Variants in FERMT1 observed in about 807,000 individuals in gnomAD.
The protein encoded by FERMT1 is fermitin family homolog 1.
Under a neutral mutation model 85.3 loss-of-function variants are expected in FERMT1, and 60 were observed. The ratio of observed to expected loss-of-function variants is 0.70; its 90% CI spans 0.57 to 0.87. FERMT1 has a LOEUF of 0.87. Ranked by LOEUF, FERMT1 falls within the 40% of genes least tolerant of loss-of-function variation. FERMT1 has a pLI of 0.00. For missense variants in FERMT1, 701 were observed against 818.9 expected (o/e 0.86, Z 1.76); for synonymous variants, 275 against 301.1 (o/e 0.91, Z 0.90).
At position 6,085,203 on chromosome 20, in the gene FERMT1, C is replaced by T. The variant is rs764254585; in HGVS notation, c.1456G>A (p.Val486Ile). ...TMADSSYQPE[V>I]LNILSFLRMK... is the part of the protein sequence containing the mutation. ...CTCAGAAATGAAAGGATGTTGAGGACCTCTGGCTGGTAGGAGCTGTCTGCC... is the reference window on the plus strand; with the variant it reads ...CTCAGAAATGAAAGGATGTTGAGGATCTCTGGCTGGTAGGAGCTGTCTGCC... Residue 486 changes from valine to isoleucine, a missense_variant, in exon 12 of 15, where the codon GTC becomes ATC. Transcript: ENST00000217289. 5.0e-6 allele frequency: 8 copies of T among 1,614,112 alleles called. No individual in the cohort carries two copies. Among genetic ancestry groups the T allele is most frequent in the East Asian group, 4.5e-5 (2 of 44,868 alleles).
intron 10 of FERMT1, among the ~76,000 whole-genome samples, 185 bp downstream of exon 10, chr20:6,088,780 C>T (rs375400791): frequency 1.3e-5 from 2 of 152,038 alleles, no homozygotes; most frequent in African/African-American, 2.4e-5. Flanking sequence ...TGTGCCACCA[C>T]GCCTGGCTAA....
intron 3 of FERMT1, 38 bp downstream of exon 3, chr20:6,115,773 G>A (rs1483597573): frequency 5.5e-6 from 8 of 1,455,694 alleles, no homozygotes; most frequent in Admixed American, 3.3e-5. Context: ...AGCTTTGCAA[G>A]AGTCTACAGG....
At chr20:6,087,557 C>A in intron 11 of FERMT1, 1 of 524,658 alleles carries the variant, frequency 1.9e-6, no homozygotes, top group Non-Finnish European at 3.6e-6. Context: ...GTGATCTGCC[C>A]ACCTTGGCCT....
At chr20:6,117,215 A>G (rs1429426379) in intron 2 of FERMT1, among the ~76,000 whole-genome samples, 1 of 152,056 alleles carries the variant, frequency 6.6e-6, no homozygotes, top group Non-Finnish European at 1.5e-5. Flanking sequence ...AAGAGTTACC[A>G]GTATCTTTGT....
chr20:6,119,190 C>T (rs553303966), intron 2 of FERMT1, among the ~76,000 whole-genome samples: 5 of 152,148 alleles, frequency 3.3e-5, no homozygotes, highest in East Asian at 1.9e-4. Flanking sequence ...TCAGGTGATC[C>T]GCACACCTTG....
At chr20:6,106,514 C>T (rs1033458823) in intron 6 of FERMT1, among the ~76,000 whole-genome samples, 5 of 152,156 alleles carry the variant, frequency 3.3e-5, no homozygotes, top group South Asian at 2.1e-4. Context: ...GTGATGGGAG[C>T]ATGCAACACA....
chr20:6,105,397 C>T (rs1026863535), intron 6 of FERMT1, among the ~76,000 whole-genome samples: 3 of 152,166 alleles, frequency 2.0e-5, no homozygotes, highest in East Asian at 1.9e-4. Flanking sequence ...GCATCGACTT[C>T]GAATGGAAAT....
At chr20:6,110,595 A>G in intron 4 of FERMT1, 84 bp from the exon 5 acceptor site, 1 of 1,124,990 alleles carries the variant, frequency 8.9e-7, no homozygotes, top group Non-Finnish European at 1.4e-6. Flanking sequence ...ACTTACACTA[A>G]AATGAGTTTT....
intron 6 of FERMT1, among the ~76,000 whole-genome samples, chr20:6,100,982 A>G (rs111965633): frequency 3.0e-4 from 46 of 152,340 alleles, no homozygotes; most frequent in African/African-American, 1.1e-3. Flanking sequence ...AAATATATAA[A>G]CAGGTAGTTC....
At chr20:6,107,199 C>CAAAAAAAAA (rs59180891) in intron 6 of FERMT1, among the ~76,000 whole-genome samples, 1 of 92,646 alleles carries the variant, frequency 1.1e-5, no homozygotes, top group Non-Finnish European at 2.1e-5. Flanking sequence ...CTGTCTCAAC[C>CAAAAAAAAA]AAAAAAAAAA....
At chr20:6,094,797 C>A in intron 9 of FERMT1, 142 bp downstream of exon 9, 1 of 684,040 alleles carries the variant, frequency 1.5e-6, no homozygotes, top group Middle Eastern at 3.7e-4. Flanking sequence ...ACGACTCAAC[C>A]CATTGTTTGT....
At chr20:6,109,405 C>T (rs151040294) in intron 5 of FERMT1, among the ~76,000 whole-genome samples, 4 of 152,238 alleles carry the variant, frequency 2.6e-5, no homozygotes, top group African/African-American at 4.8e-5. Context: ...CCAGGCGGCA[C>T]GGGGCCATGG....
Position 6,112,572 on chromosome 20 carries a change from A to G in FERMT1, c.437T>C (p.Phe146Ser), listed in dbSNP as rs1304468847. Residue 146 changes from phenylalanine to serine, a missense_variant, in exon 4 of 15, where the codon TTT becomes TCT. Physicochemically the swap from Phe to Ser is radical, Grantham distance 155. Transcript: ENST00000217289. ...TTTGTCTTTTTTCTTCTTCTTCTTA[A>G]AATAGTCACCAGACGGCTTTAACAA... is the stretch of plus-strand genomic sequence containing the variant. ...LSLLKPSGDY[F>S]KKKKKKDKNN... 3 of 1,606,390 alleles carry G rather than the reference A, an allele frequency of 1.9e-6. No individual in the cohort carries two copies. The highest frequency in any genetic ancestry group is 2.6e-6 in the Non-Finnish European group (3 of 1,175,452).
intron 8 of FERMT1, among the ~76,000 whole-genome samples, chr20:6,095,367 A>C (rs1288988585): frequency 6.6e-6 from 1 of 152,224 alleles, no homozygotes; most frequent in African/African-American, 2.4e-5. Context: ...AAACGAGATG[A>C]AAAAAATGAA....
At chr20:6,092,009 C>T (rs561613447) in intron 9 of FERMT1, among the ~76,000 whole-genome samples, 2 of 150,394 alleles carry the variant, frequency 1.3e-5, no homozygotes, top group East Asian at 3.9e-4. Flanking sequence ...GGTGCAATCT[C>T]GGCTCATTGC....
intron 13 of FERMT1, among the ~76,000 whole-genome samples, chr20:6,083,627 G>A (rs6085391): frequency 6.9e-6 from 1 of 144,936 alleles, no homozygotes; most frequent in Non-Finnish European, 1.5e-5. Flanking sequence ...TCAGGAGTTC[G>A]AGACCAGCCT....
chr20:6,110,306 G>A lies in FERMT1; in HGVS notation c.738C>T (p.Leu246=), dbSNP rs1396784599. 2 of 1,612,158 alleles carry A rather than the reference G, an allele frequency of 1.2e-6. No homozygotes were observed. The highest frequency in any genetic ancestry group is 1.7e-6 in the Non-Finnish European group (2 of 1,179,486). ...AGGAGCCGTGTCCTTACCCTGCATT[G>A]AGCTTGGCTTTATCAACCAGAGACC... ...QPRSLVDKAK[L]NAGWLDSSRS... The change falls in exon 5 of 15, where the codon CTC becomes CTT. Residue 246 remains leucine (L), a synonymous_variant. Transcript: ENST00000217289.
At chr20:6,084,010 G>T (rs748483189) in intron 13 of FERMT1, 30 bp downstream of exon 13, 1 of 1,613,900 alleles carries the variant, frequency 6.2e-7, no homozygotes, top group Non-Finnish European at 8.5e-7. Context: ...TGAATGGAAA[G>T]TGTGAGAAAC....
In FERMT1 at chr20:6,079,481, T is replaced by A. The variant is rs1421470272; in HGVS notation, c.1815A>T (p.Arg605Ser). ...AATGIPVTTW[R>S]FTNIKQWNVN... is the part of the protein sequence containing the mutation. The stretch of plus-strand genomic sequence containing the variant: ...CATTCCACTGTTTGATATTTGTGAA[T>A]CTCCATGTTGTCACTGGAATCCCGG... The change falls in exon 14 of 15, where the codon AGA becomes AGT. Residue 605 changes from arginine (R) to serine (S), a missense_variant. Physicochemically the swap from Arg to Ser is moderately radical, Grantham distance 110. Transcript: ENST00000217289. 3.1e-6 allele frequency: 5 copies of A among 1,614,036 alleles called. No homozygotes were observed. Among genetic ancestry groups the A allele is most frequent in the Non-Finnish European group, 4.2e-6 (5 of 1,180,020 alleles).
Sources: gnomAD v4.1 joint callset for allele counts (sites outside exome capture counted in the v4.1 genomes callset) on GRCh38, gnomAD v4.1.1 for gene constraint, MANE v1.5 for transcripts, NCBI Gene and HGNC (gene_info 2026-07-23, HGNC 2026-07-21) for gene names.